PTGS1: variants seen among roughly 807,000 people sequenced by gnomAD.
PTGS1 encodes prostaglandin-endoperoxide synthase 1.
Under a neutral mutation model 63.0 loss-of-function variants are expected in PTGS1, and 40 were observed. The ratio of observed to expected loss-of-function variants is 0.63; its 90% CI spans 0.49 to 0.83. PTGS1 has a LOEUF of 0.83. Ranked by LOEUF, PTGS1 falls within the 40% of genes least tolerant of loss-of-function variation. The pLI is 0.00. For synonymous variants in PTGS1, 298 were observed against 301.9 expected (o/e 0.99, Z 0.13); for missense variants, 709 against 786.5 (o/e 0.90, Z 1.18).
intron 8 of PTGS1, among the ~76,000 whole-genome samples, chr9:122,384,836 A>C (rs1024769065): frequency 2.0e-5 from 3 of 152,232 alleles, no homozygotes; most frequent in African/African-American, 7.2e-5. Flanking sequence ...GTCTACACTT[A>C]GTATTCCTAC....
At chr9:122,371,335 C>A in intron 2 of PTGS1, 63 bp downstream of exon 2, 1 of 1,592,730 alleles carries the variant, frequency 6.3e-7, no homozygotes. Flanking sequence ...TGGTTTCAAC[C>A]CCCTCCTTTC....
At chr9:122,378,262 G>A (rs575501954) in intron 3 of PTGS1, among the ~76,000 whole-genome samples, 171 bp from the exon 4 acceptor site, 50 of 152,292 alleles carry the variant, frequency 3.3e-4, no homozygotes, top group African/African-American at 9.6e-4. Context: ...CCTCACGCCC[G>A]GTTCTGTCTC....
intron 2 of PTGS1, chr9:122,371,550 C>T: frequency 1.4e-6 from 2 of 1,405,962 alleles, no homozygotes; most frequent in South Asian, 3.1e-5. Flanking sequence ...ATCCCCCTCA[C>T]CTGTTCTGGG....
chr9:122,376,339 C>G (rs1707890701), intron 2 of PTGS1, among the ~76,000 whole-genome samples: 1 of 140,622 alleles, frequency 7.1e-6, no homozygotes, highest in African/African-American at 2.8e-5. Context: ...TCTTGTGGTC[C>G]TTGCTTGTGT....
intron 2 of PTGS1, among the ~76,000 whole-genome samples, chr9:122,373,564 C>T (rs2119113353): frequency 6.6e-6 from 1 of 152,364 alleles, no homozygotes; most frequent in Non-Finnish European, 1.5e-5. Context: ...GGACTTGACT[C>T]AGTGCCCATC....
Position 122,390,364 on chromosome 9 carries a change from G to T in PTGS1, c.1444+19G>T, listed in dbSNP as rs1477359285. On this transcript the variant is annotated intron_variant, in intron 10 of 10. Transcript: ENST00000362012. ...CTCGTAGGTGAGCAGCTGTTTCCTG[G>T]ATGCAGTCCCTGCCCTTGAGGGACT... 3.7e-6 allele frequency: 6 copies of T among 1,612,864 alleles called. No individual in the cohort carries two copies. The highest frequency in any genetic ancestry group is 4.2e-6 in the Non-Finnish European group (5 of 1,179,386).
intron 9 of PTGS1, among the ~76,000 whole-genome samples, chr9:122,387,270 C>T (rs188910707): frequency 1.4e-4 from 22 of 151,870 alleles, no homozygotes; most frequent in Admixed American, 1.1e-3. Flanking sequence ...ATAGAGAGGA[C>T]GGCATGGGTG....
At chr9:122,385,805 T>A (rs1837836555) in intron 8 of PTGS1, among the ~76,000 whole-genome samples, 1 of 152,046 alleles carries the variant, frequency 6.6e-6, no homozygotes, top group South Asian at 2.1e-4. Context: ...TTTAATGGGC[T>A]TCAGGAGGGA....
Position 122,383,568 on chromosome 9 carries a change from C to A in PTGS1, c.822C>A (p.Tyr274Ter). The change falls in exon 8 of 11, where the codon TAC becomes TAA. Residue 274 changes from tyrosine (Y) to a stop codon, truncating the protein, a stop_gained. Coordinates refer to ENST00000362012, the MANE Select transcript of PTGS1 (RefSeq NM_000962.4). LOFTEE classifies it high-confidence loss of function. Reference protein sequence around the residue: ...SVEEAPVLMHYPRGIPPQSQM... With the variant: ...SVEEAPVLMH ...AAGAGGCGCCTGTGTTGATGCACTA[C>A]CCCCGAGGCATCCCGCCCCAGAGCC... 6.2e-7 allele frequency: 1 copy of A among 1,614,092 alleles called. No homozygotes were observed. The highest frequency in any genetic ancestry group is 8.5e-7 in the Non-Finnish European group (1 of 1,179,998).
intron 5 of PTGS1, among the ~76,000 whole-genome samples, chr9:122,380,875 G>A (rs1294720875): frequency 6.6e-6 from 1 of 152,202 alleles, no homozygotes; most frequent in Non-Finnish European, 1.5e-5. Flanking sequence ...TGATTTATCT[G>A]TATTCACACA....
chr9:122,390,506 G>T (rs537174643), intron 10 of PTGS1, among the ~76,000 whole-genome samples, 161 bp downstream of exon 10: 23 of 152,274 alleles, frequency 1.5e-4, no homozygotes, highest in African/African-American at 5.3e-4. Context: ...AAATAAGCCT[G>T]CTTGGGGAGA....
At chr9:122,370,887 A>C, upstream of PTGS1, 1 of 854,388 alleles carries the variant, frequency 1.2e-6, no homozygotes, top group Non-Finnish European at 1.8e-6. Flanking sequence ...TTTAGCGGCG[A>C]GCATACACTA....
At chr9:122,388,132 C>T (rs898482504) in intron 9 of PTGS1, among the ~76,000 whole-genome samples, 6 of 152,310 alleles carry the variant, frequency 3.9e-5, no homozygotes, top group Admixed American at 6.5e-5. Flanking sequence ...TGATGATGTA[C>T]GTGAAAAGCC....
In PTGS1 at chr9:122,386,472, G is replaced by A. The variant is rs537966176; in HGVS notation, c.1036G>A (p.Glu346Lys). 2.5e-6 allele frequency: 4 copies of A among 1,614,176 alleles called. No individual in the cohort carries two copies. The South Asian group carries it at 3.3e-5, about 13-fold the overall frequency. ...IGETIKIVIE[E>K]YVQQLSGYFL... ...GGAGACCATCAAGATTGTCATCGAG[G>A]AGTACGTGCAGCAGCTGAGTGGCTA... Residue 346 changes from glutamate (E) to lysine (K), a missense_variant, in exon 9 of 11, where the codon GAG becomes AAG. By Grantham distance (56) the Glu-to-Lys change is moderately conservative (BLOSUM62 1). Transcript: ENST00000362012.
chr9:122,371,544 C>G, intron 2 of PTGS1: 1 of 1,393,750 alleles, frequency 7.2e-7, no homozygotes, highest in Non-Finnish European at 9.4e-7. Context: ...CTATCCATCC[C>G]CCTCACCTGT....
At chr9:122,386,020 G>A (rs1837851320) in intron 8 of PTGS1, among the ~76,000 whole-genome samples, 1 of 152,082 alleles carries the variant, frequency 6.6e-6, no homozygotes, top group South Asian at 2.1e-4. Context: ...AAGGCCAGGT[G>A]TGGTGGCTCA....
Position 122,381,445 on chromosome 9 carries a change from C to A in PTGS1, c.571C>A (p.Gln191Lys), listed in dbSNP as rs767966650. The A allele has an allele frequency of 4.3e-5, 70 of 1,614,094 alleles. No individual in the cohort carries two copies. The highest frequency in any genetic ancestry group is 5.4e-5 in the Non-Finnish European group (64 of 1,180,048). Residue 191 changes from glutamine (Q) to lysine (K), a missense_variant, in exon 6 of 11, where the codon CAA (glutamine) becomes AAA (lysine). Physicochemically the swap from Gln to Lys is moderately conservative, Grantham distance 53 (BLOSUM62 1). Coordinates refer to ENST00000362012, the MANE Select transcript of PTGS1 (RefSeq NM_000962.4). ...LLRRKFIPDPQGTNLMFAFFA... is the reference protein window; with the variant it reads ...LLRRKFIPDPKGTNLMFAFFA... ...CAGGAGGAAGTTCATACCTGACCCC[C>A]AAGGCACCAACCTCATGTTTGCCTT...
chr9:122,372,822 T>C (rs563852548), intron 2 of PTGS1: 1 of 149,972 alleles, frequency 6.7e-6, no homozygotes, highest in Admixed American at 6.6e-5. Context: ...TACACGGAAT[T>C]GTTTTTTTTT....
At chr9:122,375,432 G>A (rs1174687584) in intron 2 of PTGS1, 3 of 985,372 alleles carry the variant, frequency 3.0e-6, no homozygotes, top group African/African-American at 1.7e-5. Flanking sequence ...GACTCCTTTT[G>A]GTCAGGCTGG....
Sources: allele counts gnomAD v4.1 joint callset (sites outside exome capture counted in the v4.1 genomes callset), GRCh38; gene constraint gnomAD v4.1.1; transcripts MANE v1.5; gene names NCBI Gene and HGNC (gene_info 2026-07-23, HGNC 2026-07-21).